The following IQUB variants were observed in gnomAD, a reference collection of about 807,000 sequenced individuals.
The protein encoded by IQUB is IQ motif and ubiquitin-like domain-containing protein.
IQUB carries 86 observed loss-of-function variants against 86.4 expected under a neutral mutation model. That is an observed-to-expected ratio of 1.00 (90% CI 0.84 to 1.19). IQUB has a LOEUF of 1.19. Among genes scored for constraint, IQUB ranks in the 50% most tolerant of loss-of-function variants. IQUB has a pLI of 0.00. For missense variants in IQUB, 946 were observed against 916.9 expected, an observed-to-expected ratio of 1.03 and a Z score of -0.41; for synonymous variants, 289 against 304.5, an observed-to-expected ratio of 0.95 and a Z score of 0.53.
rs201786274 is a variant in IQUB, at chr7:123,502,618, G to T, written c.1002C>A (p.Tyr334Ter). Residue 334 changes from tyrosine to a stop codon, truncating the protein, a stop_gained, in exon 6 of 13, where the codon TAC (tyrosine) becomes TAA (stop). Coordinates refer to ENST00000324698, the MANE Select transcript of IQUB (RefSeq NM_178827.5). LOFTEE classifies it high-confidence loss of function. ...TPGKYFSAAE[Y>*]HAQRLKAVIV... ...TCACCGCCTTTAGTCTTTGAGCATG[G>T]TATTCTGCTGCTGAAAAATACTTTC... 1.1e-4 allele frequency: 173 copies of T among 1,611,766 alleles called. 1 individual carries two copies. Among genetic ancestry groups the T allele is most frequent in the Admixed American group, 6.7e-5 (4 of 59,530 alleles).
At position 123,509,929 on chromosome 7, in the gene IQUB, T is replaced by C. The variant is rs980821006; in HGVS notation, c.504A>G (p.Pro168=). 2 of 1,609,634 alleles carry C rather than the reference T, an allele frequency of 1.2e-6. No homozygotes were observed. Among genetic ancestry groups the C allele is most frequent in the Non-Finnish European group, 1.7e-6 (2 of 1,178,068 alleles). ...AGTATCTTATCTGCAGTACAGAATG[T>C]GGGATACCTAATAAGTGTGAAAAAT... ...KDHFSHLLGI[P]HSVLQIRYSG... Residue 168 remains proline (P), a synonymous_variant, in exon 3 of 13, where the codon CCA becomes CCG. Transcript: ENST00000324698.
chr7:123,500,865 A>G (rs570629624), intron 6 of IQUB, among the ~76,000 whole-genome samples: 3 of 151,946 alleles, frequency 2.0e-5, no homozygotes, highest in South Asian at 2.1e-4. Flanking sequence ...CTTCTCATGT[A>G]TTCTTTGTCC....
At chr7:123,529,738 A>AC (rs1428898252) in intron 1 of IQUB, among the ~76,000 whole-genome samples, 2 of 146,828 alleles carry the variant, frequency 1.4e-5, no homozygotes, top group African/African-American at 5.0e-5. Context: ...AAAAAAAAAA[A>AC]AAAAAAAAAA....
chr7:123,473,264 C>T (rs1359947767), intron 8 of IQUB, among the ~76,000 whole-genome samples: 1 of 152,152 alleles, frequency 6.6e-6, no homozygotes, highest in East Asian at 1.9e-4. Context: ...AGAAAGAGGC[C>T]ATGGCACTTT....
At chr7:123,467,796 C>G (rs1307010267) in intron 9 of IQUB, among the ~76,000 whole-genome samples, 1 of 152,146 alleles carries the variant, frequency 6.6e-6, no homozygotes, top group Non-Finnish European at 1.5e-5. Context: ...AAAATGGCCC[C>G]AATTACTACT....
At position 123,461,540 on chromosome 7, in the gene IQUB, C is replaced by A; in HGVS notation, c.1824G>T (p.Leu608Phe). 1 of 1,611,368 alleles carries A rather than the reference C, an allele frequency of 6.2e-7. No individual in the cohort carries two copies. Among genetic ancestry groups the A allele is most frequent in the East Asian group, 2.2e-5 (1 of 44,796 alleles). Residue 608 changes from leucine (L) to phenylalanine (F), a missense_variant, in exon 11 of 13, where the codon TTG (leucine) becomes TTT (phenylalanine). Leu to Phe is a conservative substitution (Grantham distance 22). Transcript: ENST00000324698. Reference protein sequence around the residue: ...IYFCHSCQLYLPSTEFSVSST... With the variant: ...IYFCHSCQLYFPSTEFSVSST... ...ATGATACAGAAAATTCTGTAGAAGG[C>A]AAATAAAGCTGGCAACTGTGGCAAA...
chr7:123,464,951 A>C lies in IQUB; in HGVS notation c.1640T>G (p.Leu547Arg). 6.2e-7 allele frequency: 1 copy of C among 1,603,464 alleles called. No homozygotes were observed. Among genetic ancestry groups the C allele is most frequent in the Non-Finnish European group, 8.5e-7 (1 of 1,174,840 alleles). ...ATGATGTTTGACTCCTCTCATCATAAGGTCAACCTCTCTGTCAATCAATTC... is the reference window on the plus strand; with the variant it reads ...ATGATGTTTGACTCCTCTCATCATACGGTCAACCTCTCTGTCAATCAATTC... ...ILELIDREVD[L>R]MMRGVKHHNL... The change falls in exon 10 of 13, where the codon CTT (leucine) becomes CGT (arginine). Residue 547 changes from leucine (L) to arginine (R), a missense_variant. By Grantham distance (102) the Leu-to-Arg change is moderately radical. Coordinates refer to ENST00000324698, the MANE Select transcript of IQUB (RefSeq NM_178827.5).
chr7:123,505,536 T>TG (rs1293951748), intron 3 of IQUB, among the ~76,000 whole-genome samples: 1 of 152,196 alleles, frequency 6.6e-6, no homozygotes. Flanking sequence ...TAATACCATA[T>TG]GGAAGCCACC....
At chr7:123,523,716 C>T (rs1797028736) in intron 1 of IQUB, among the ~76,000 whole-genome samples, 1 of 152,056 alleles carries the variant, frequency 6.6e-6, no homozygotes, top group Non-Finnish European at 1.5e-5. Context: ...AATTAGATCC[C>T]ATTTGTCAAT....
intron 6 of IQUB, chr7:123,502,371 A>G: frequency 2.0e-6 from 1 of 503,472 alleles, no homozygotes; most frequent in Non-Finnish European, 3.5e-6. Flanking sequence ...TACACAAAGA[A>G]GCTGGGTTTC....
chr7:123,512,203 T>A lies in IQUB; in HGVS notation c.138A>T (p.Glu46Asp). 1 of 1,614,106 alleles carries A rather than the reference T, an allele frequency of 6.2e-7. No individual in the cohort carries two copies. The highest frequency in any genetic ancestry group is 8.5e-7 in the Non-Finnish European group (1 of 1,179,968). ...TCTCACTGAATTGTTCTATTCCAGA[T>A]TCATGCTCTTCAGTTTGATCTGACT... is the stretch of plus-strand genomic sequence containing the variant. ...PQESDQTEEH[E>D]SGIEQFSESH... The change falls in exon 2 of 13, where the codon GAA becomes GAT. Residue 46 changes from glutamate to aspartate, a missense_variant. Transcript: ENST00000324698.
At chr7:123,468,942 T>C (rs772935108) in intron 9 of IQUB, among the ~76,000 whole-genome samples, 149 of 152,354 alleles carry the variant, frequency 9.8e-4, no homozygotes, top group Admixed American at 2.7e-3. Context: ...AATATGTAGA[T>C]TATAATTGCT....
intron 9 of IQUB, among the ~76,000 whole-genome samples, chr7:123,466,944 C>A (rs866006850): frequency 6.6e-6 from 1 of 152,062 alleles, no homozygotes; most frequent in South Asian, 2.1e-4. Flanking sequence ...GATGATCACA[C>A]AGAAACAACC....
At chr7:123,465,035 T>A in intron 9 of IQUB, 26 bp from the exon 10 acceptor site, 1 of 1,411,992 alleles carries the variant, frequency 7.1e-7, no homozygotes, top group South Asian at 1.3e-5. Flanking sequence ...AAATATATGG[T>A]ATAAAATTTT....
In IQUB at chr7:123,469,166, T is replaced by C. The variant is rs779436921; in HGVS notation, c.1581+48A>G. 12 of 1,250,700 alleles carry C rather than the reference T, an allele frequency of 9.6e-6. No homozygotes were observed. The South Asian group carries it at 2.8e-4, about 30-fold the overall frequency. 77.5% of individuals were successfully genotyped at this position (1,250,700 alleles called of 1,614,324 possible). A position where few individuals can be genotyped will look rare whatever the true frequency, so the allele number is the denominator to read the frequency against. ...TGTTTTAGTATTTCATTAATTTTTT[T>C]TTATTGACAGTGAACTCTACCCCCA... On this transcript the variant is annotated intron_variant, in intron 9 of 12. Transcript: ENST00000324698.
intron 9 of IQUB, among the ~76,000 whole-genome samples, chr7:123,468,079 T>A (rs1402131295): frequency 2.0e-5 from 3 of 152,158 alleles, no homozygotes; most frequent in African/African-American, 7.2e-5. Context: ...ACCCAGGTAA[T>A]GGGCATTTCT....
At position 123,452,207 on chromosome 7, in the gene IQUB, G is replaced by A. The variant is rs1049775915; in HGVS notation, c.*536C>T. Among the ~76,000 whole-genome samples, 3 of 152,230 alleles carry A rather than the reference G, an allele frequency of 2.0e-5. No homozygotes were observed. The highest frequency in any genetic ancestry group is 2.9e-5 in the Non-Finnish European group (2 of 68,006). On this transcript the variant is annotated 3_prime_UTR_variant, in exon 13 of 13. Coordinates refer to ENST00000324698, the MANE Select transcript of IQUB (RefSeq NM_178827.5). Reference sequence around the variant, plus strand: ...TTATTTATAAATAGTTTCAAGTGTTGTTTTATTGGGATTATGAGAAGGATG... The same window carrying A: ...TTATTTATAAATAGTTTCAAGTGTTATTTTATTGGGATTATGAGAAGGATG...
chr7:123,461,180 G>A (rs1326010501), intron 11 of IQUB, among the ~76,000 whole-genome samples, 177 bp downstream of exon 11: 2 of 151,602 alleles, frequency 1.3e-5, no homozygotes, highest in African/African-American at 2.4e-5. Flanking sequence ...TTAGGTTATA[G>A]AGGTATAATG....
chr7:123,463,584 C>T (rs1407702212), intron 10 of IQUB, among the ~76,000 whole-genome samples: 1 of 151,598 alleles, frequency 6.6e-6, no homozygotes, highest in Non-Finnish European at 1.5e-5. Context: ...ATAGATAAAA[C>T]TATAAAAATA....
Sources: allele counts gnomAD v4.1 joint callset (sites outside exome capture counted in the v4.1 genomes callset), GRCh38; gene constraint gnomAD v4.1.1; transcripts MANE v1.5; gene names NCBI Gene and HGNC (gene_info 2026-07-23, HGNC 2026-07-21).